Variants in PCDHA11 observed in about 807,000 individuals in gnomAD.
PCDHA11 encodes the protein protocadherin alpha 11, also known as protocadherin alpha-11.
A neutral mutation model predicts 70.3 loss-of-function variants in PCDHA11; 61 were observed. That is an observed-to-expected ratio of 0.87 (90% confidence interval 0.71 to 1.07). The LOEUF (loss-of-function observed/expected upper bound fraction) is 1.07, where lower values mean the gene tolerates loss of function less well. PCDHA11 is among the 50% of genes least tolerant of loss of function. PCDHA11 has a pLI of 0.00. For synonymous variants in PCDHA11, 633 were observed against 555.1 expected, an observed-to-expected ratio of 1.14 and a Z score of -1.97; for missense variants, 1,324 against 1,237.5, an observed-to-expected ratio of 1.07 and a Z score of -1.05.
intron 3 of PCDHA11, among the ~76,000 whole-genome samples, chr5:141,003,476 C>G (rs555987176): frequency 1.3e-3 from 191 of 152,130 alleles, no homozygotes; most frequent in African/African-American, 4.3e-3. Context: ...CACAGTCTCG[C>G]TAATTTTTAT....
chr5:140,988,675 A>C (rs574653772), intron 3 of PCDHA11, among the ~76,000 whole-genome samples: 1 of 152,228 alleles, frequency 6.6e-6, no homozygotes, highest in East Asian at 1.9e-4. Context: ...ACTCTAAGAT[A>C]ATTCTTTCCC....
intron 1 of PCDHA11, among the ~76,000 whole-genome samples, chr5:140,917,329 G>C (rs543216216): frequency 3.5e-5 from 5 of 143,930 alleles, no homozygotes; most frequent in South Asian, 2.2e-4. Flanking sequence ...TGTGGCGGGG[G>C]AGGGGGGGGA....
intron 1 of PCDHA11, among the ~76,000 whole-genome samples, chr5:140,898,033 G>T (rs1293808474): frequency 2.6e-5 from 4 of 152,032 alleles, no homozygotes; most frequent in African/African-American, 9.7e-5. Flanking sequence ...TTTTGATGGG[G>T]TTGTTTGTTT....
intron 3 of PCDHA11, among the ~76,000 whole-genome samples, chr5:141,003,751 T>G (rs3822342): frequency 0.05 from 7,683 of 152,316 alleles, 243 homozygotes; most frequent in South Asian, 0.11. Flanking sequence ...ATATTTTGTA[T>G]AATTATGGTC....
At chr5:140,920,329 G>A (rs556077448) in intron 1 of PCDHA11, among the ~76,000 whole-genome samples, 8 of 152,080 alleles carry the variant, frequency 5.3e-5, no homozygotes, top group South Asian at 4.2e-4. Flanking sequence ...TATATTTATG[G>A]CATTTCTTAT....
intron 3 of PCDHA11, among the ~76,000 whole-genome samples, chr5:140,991,953 G>A (rs545142966): frequency 3.9e-5 from 6 of 152,110 alleles, no homozygotes; most frequent in Non-Finnish European, 8.8e-5. Context: ...TTAGAATGCA[G>A]TCATTTTGGT....
At chr5:140,873,336 C>A (rs1436932142) in intron 1 of PCDHA11, among the ~76,000 whole-genome samples, 1 of 152,168 alleles carries the variant, frequency 6.6e-6, no homozygotes, top group African/African-American at 2.4e-5. Flanking sequence ...ATACATTACT[C>A]ATCTCCAGAT....
At chr5:140,875,292 T>A in intron 1 of PCDHA11, 1 of 1,401,900 alleles carries the variant, frequency 7.1e-7, no homozygotes, top group Non-Finnish European at 9.3e-7. Flanking sequence ...ACAGGAAAAT[T>A]TTTTTCTCCG....
At chr5:141,006,995 A>C (rs1277177404) in intron 3 of PCDHA11, among the ~76,000 whole-genome samples, 1 of 152,208 alleles carries the variant, frequency 6.6e-6, no homozygotes, top group Non-Finnish European at 1.5e-5. Flanking sequence ...TTAAAATATA[A>C]GTCTGCATCT....
intron 1 of PCDHA11, among the ~76,000 whole-genome samples, chr5:140,899,127 C>G (rs1487430888): frequency 2.0e-4 from 30 of 152,302 alleles, no homozygotes; most frequent in African/African-American, 7.0e-4. Context: ...ACAATCATGT[C>G]TTCTGCAAAC....
chr5:140,973,015 A>T (rs1554234824), intron 1 of PCDHA11, among the ~76,000 whole-genome samples: 1 of 152,000 alleles, frequency 6.6e-6, no homozygotes, highest in African/African-American at 2.4e-5. Context: ...TGGTGTTGTG[A>T]TTGTTAATGA....
At position 140,950,404 on chromosome 5, in the gene PCDHA11, T is replaced by C. The variant is rs947428237; in HGVS notation, c.2392-28545T>C. ...TTGAATGATATAGAATTCTGGGGGATTGACAGATTTTATTTTCTTCCACTT... is the reference window on the plus strand; with the variant it reads ...TTGAATGATATAGAATTCTGGGGGACTGACAGATTTTATTTTCTTCCACTT... On this transcript the variant is annotated intron_variant, in intron 1 of 3. Coordinates refer to ENST00000398640, the MANE Select transcript of PCDHA11 (RefSeq NM_018902.5). 2.0e-5 allele frequency among the ~76,000 whole-genome samples: 3 copies of C among 152,044 alleles called. 1 individual carries two copies. Among genetic ancestry groups the C allele is most frequent in the East Asian group, 1.9e-4 (1 of 5,204 alleles).
At chr5:140,999,494 C>G (rs2097859711) in intron 3 of PCDHA11, among the ~76,000 whole-genome samples, 1 of 152,064 alleles carries the variant, frequency 6.6e-6, no homozygotes, top group Non-Finnish European at 1.5e-5. Context: ...CTATGTTACC[C>G]AAGAACCTAC....
Position 140,869,812 on chromosome 5 carries a change from G to A in PCDHA11, c.709G>A (p.Asp237Asn), listed in dbSNP as rs2051440753. The A allele has an allele frequency of 6.2e-7, 1 of 1,612,340 alleles. No individual in the cohort carries two copies. Among genetic ancestry groups the A allele is most frequent in the East Asian group, 2.2e-5 (1 of 44,872 alleles). The change falls in exon 1 of 4, where the codon GAC becomes AAC. Residue 237 changes from aspartate (D) to asparagine (N), a missense_variant. Coordinates refer to ENST00000398640, the MANE Select transcript of PCDHA11 (RefSeq NM_018902.5). ...GTTAGTCCAAGTCTTGGATGTCAAC[G>A]ACAATGATCCAGAGTTTGATAAATC... ...RLLVQVLDVN[D>N]NDPEFDKSEY...
rs1171497178 is a variant in PCDHA11, at chr5:140,993,431, C to A, written c.2539+10868C>A. 2.7e-5 allele frequency among the ~76,000 whole-genome samples: 4 copies of A among 149,406 alleles called. No homozygotes were observed. The Admixed American group carries it at 2.7e-4, about 10-fold the overall frequency. On this transcript the variant is annotated intron_variant, in intron 3 of 3. Coordinates refer to ENST00000398640, the MANE Select transcript of PCDHA11 (RefSeq NM_018902.5). ...TCATCAGCATTTCTCTTTTAAAATC[C>A]TTATTCATTCCTGTTCTCCTTCTTT...
intron 1 of PCDHA11, chr5:140,928,268 G>A: frequency 6.2e-7 from 1 of 1,614,164 alleles, no homozygotes; most frequent in Non-Finnish European, 8.5e-7. Context: ...GAAAACAATG[G>A]CCCTGGGGCC....
intron 1 of PCDHA11, among the ~76,000 whole-genome samples, chr5:140,960,408 A>C (rs1006586468): frequency 6.6e-6 from 1 of 152,206 alleles, no homozygotes; most frequent in Admixed American, 6.5e-5. Flanking sequence ...GGGGGTGCCC[A>C]AAAAGTCAAC....
chr5:140,976,689 T>TTTGCA (rs1280133734), intron 1 of PCDHA11, among the ~76,000 whole-genome samples: 2 of 152,232 alleles, frequency 1.3e-5, no homozygotes, highest in East Asian at 3.8e-4. Context: ...GCAATTTAAG[T>TTTGCA]ACAATAATGT....
intron 1 of PCDHA11, among the ~76,000 whole-genome samples, chr5:140,932,121 T>C (rs1343821167): frequency 6.6e-6 from 1 of 151,956 alleles, no homozygotes; most frequent in Non-Finnish European, 1.5e-5. Context: ...ATTGATAATA[T>C]TTAAGATATA....
Sources: gnomAD v4.1 joint callset for allele counts (sites outside exome capture counted in the v4.1 genomes callset) on GRCh38, gnomAD v4.1.1 for gene constraint, MANE v1.5 for transcripts, NCBI Gene and HGNC (gene_info 2026-07-23, HGNC 2026-07-21) for gene names.